The following MAGI2 variants were observed in gnomAD, a reference collection of about 807,000 sequenced individuals.
MAGI2 encodes membrane associated guanylate kinase, WW and PDZ domain containing 2.
In MAGI2, 35 loss-of-function variants were observed where a neutral mutation model predicts 133.3. The ratio of observed to expected loss-of-function variants is 0.26; its 90% CI spans 0.20 to 0.35. The LOEUF is 0.35. MAGI2 is among the 10% of genes least tolerant of loss of function. The probability of loss-of-function intolerance (pLI) is 1.00; values close to 1 mark genes in which losing one functional copy is unlikely to be tolerated. For missense variants in MAGI2, 1,636 were observed against 1,863.4 expected (o/e 0.88, Z 2.25); for synonymous variants, 729 against 710.6 (o/e 1.03, Z -0.41).
At chr7:78,264,242 C>G (rs925559269) in intron 9 of MAGI2, among the ~76,000 whole-genome samples, 1 of 152,088 alleles carries the variant, frequency 6.6e-6, no homozygotes, top group African/African-American at 2.4e-5. Context: ...GAAACTGAAC[C>G]TAGAAGAAGT....
chr7:79,001,513 G>A (rs962866845), intron 2 of MAGI2, among the ~76,000 whole-genome samples: 3 of 152,056 alleles, frequency 2.0e-5, no homozygotes, highest in Non-Finnish European at 2.9e-5. Context: ...AAATTAATTT[G>A]TGTCTCTAAT....
chr7:78,694,336 T>C (rs1347533413), intron 2 of MAGI2, among the ~76,000 whole-genome samples: 1 of 152,224 alleles, frequency 6.6e-6, no homozygotes, highest in African/African-American at 2.4e-5. Flanking sequence ...TAAATAATGC[T>C]AAAGTTTTCA....
At chr7:78,906,253 C>A (rs1797985408) in intron 2 of MAGI2, among the ~76,000 whole-genome samples, 1 of 152,186 alleles carries the variant, frequency 6.6e-6, no homozygotes, top group Non-Finnish European at 1.5e-5. Context: ...TGGTGGGTAG[C>A]TGATTCTGTC....
intron 1 of MAGI2, among the ~76,000 whole-genome samples, chr7:79,114,695 T>A (rs1819241362): frequency 6.6e-6 from 1 of 152,098 alleles, no homozygotes; most frequent in Admixed American, 6.6e-5. Context: ...GGAATCCAGG[T>A]ACTCATGATA....
intron 1 of MAGI2, among the ~76,000 whole-genome samples, chr7:79,206,107 A>G (rs965768431): frequency 6.6e-6 from 1 of 151,690 alleles, no homozygotes; most frequent in African/African-American, 2.4e-5. Flanking sequence ...ACAGCAATAA[A>G]TGCCTACCTC....
At chr7:79,230,435 A>G (rs1372989250) in intron 1 of MAGI2, among the ~76,000 whole-genome samples, 2 of 151,508 alleles carry the variant, frequency 1.3e-5, no homozygotes, top group East Asian at 3.9e-4. Flanking sequence ...CTATTTCTCC[A>G]CATCCTCTCC....
chr7:78,094,512 T>C (rs1452068554), intron 20 of MAGI2, among the ~76,000 whole-genome samples: 1 of 152,186 alleles, frequency 6.6e-6, no homozygotes, highest in Non-Finnish European at 1.5e-5. Context: ...GTGGACCACT[T>C]GTCACCAAAG....
intron 1 of MAGI2, among the ~76,000 whole-genome samples, chr7:79,444,554 C>T (rs902231358): frequency 2.6e-5 from 4 of 152,056 alleles, no homozygotes; most frequent in Non-Finnish European, 5.9e-5. Flanking sequence ...GAGTGAACTC[C>T]CATTCACAAT....
At chr7:78,985,823 A>T (rs1381349491) in intron 2 of MAGI2, among the ~76,000 whole-genome samples, 1 of 152,092 alleles carries the variant, frequency 6.6e-6, no homozygotes, top group African/African-American at 2.4e-5. Context: ...TTAGGAGAGG[A>T]TATGACAGCT....
chr7:78,612,812 G>GGCACCCGCCACC (rs1554498497), intron 3 of MAGI2, among the ~76,000 whole-genome samples: 3 of 152,064 alleles, frequency 2.0e-5, no homozygotes, highest in South Asian at 2.1e-4. Flanking sequence ...TGGGACTACA[G>GGCACCCGCCACC]GCGCCCGCCA....
At chr7:78,510,523 TG>T (rs1379329410) in intron 4 of MAGI2, among the ~76,000 whole-genome samples, 1 of 152,148 alleles carries the variant, frequency 6.6e-6, no homozygotes, top group Non-Finnish European at 1.5e-5. Context: ...ACAAAAGGTA[TG>T]GTCAATTTTC....
In MAGI2 at chr7:78,330,615, CAAAAAAAAAAAA is replaced by C. The variant is rs4024122; in HGVS notation, c.1408+13151_1408+13162del. On this transcript the variant is annotated intron_variant, in intron 9 of 21. Transcript: ENST00000354212. ...CCTGGGCGACAGCGAGACTCCGTCTCAAAAAAAAAAAAAAAAAAAAAAAAAAAAAGAAAGATT... is the reference window on the plus strand; with the variant it reads ...CCTGGGCGACAGCGAGACTCCGTCTCAAAAAAAAAAAAAAAAAGAAAGATT... 4.3e-4 allele frequency among the ~76,000 whole-genome samples: 3 copies of C among 6,940 alleles called. 1 individual carries two copies. The highest frequency in any genetic ancestry group is 7.2e-4 in the African/African-American group (1 of 1,394). The allele number at this position is 6,940 out of a possible 152,430, so 4.6% of individuals were successfully genotyped here. A position where few individuals can be genotyped will look rare whatever the true frequency, so the allele number is the denominator to read the frequency against.
chr7:78,382,653 A>G (rs558014341), intron 6 of MAGI2, among the ~76,000 whole-genome samples: 172 of 152,226 alleles, frequency 1.1e-3, no homozygotes, highest in African/African-American at 4.0e-3. Context: ...ACCCTAGTAC[A>G]ATACAATTTT....
intron 2 of MAGI2, among the ~76,000 whole-genome samples, chr7:78,658,939 A>G (rs980565287): frequency 7.2e-5 from 11 of 152,204 alleles, no homozygotes; most frequent in Non-Finnish European, 1.5e-4. Context: ...TACAACTACC[A>G]CAAAAGCCAG....
intron 9 of MAGI2, among the ~76,000 whole-genome samples, chr7:78,330,873 T>C (rs967947720): frequency 5.9e-5 from 9 of 152,160 alleles, no homozygotes; most frequent in Non-Finnish European, 1.0e-4. Context: ...GATTGTTTCC[T>C]GATGAACCAA....
chr7:79,194,947 T>C (rs985001928), intron 1 of MAGI2, among the ~76,000 whole-genome samples: 1 of 152,024 alleles, frequency 6.6e-6, no homozygotes, highest in Non-Finnish European at 1.5e-5. Flanking sequence ...GAAGTTATTA[T>C]AACATTTTAA....
At chr7:78,679,829 C>G (rs1023685828) in intron 2 of MAGI2, among the ~76,000 whole-genome samples, 1 of 151,948 alleles carries the variant, frequency 6.6e-6, no homozygotes, top group Admixed American at 6.6e-5. Flanking sequence ...GAAATTGTGC[C>G]CTAGATTAGG....
At chr7:79,051,876 T>C (rs1812705937) in intron 1 of MAGI2, among the ~76,000 whole-genome samples, 1 of 152,148 alleles carries the variant, frequency 6.6e-6, no homozygotes, top group South Asian at 2.1e-4. Context: ...TGTAGTTTTC[T>C]CTTTCTATTT....
At chr7:78,744,732 C>T (rs1822763068) in intron 2 of MAGI2, among the ~76,000 whole-genome samples, 1 of 152,142 alleles carries the variant, frequency 6.6e-6, no homozygotes, top group African/African-American at 2.4e-5. Context: ...GAGGACAATA[C>T]TCCTGCCTTC....
Sources: allele counts gnomAD v4.1 joint callset (sites outside exome capture counted in the v4.1 genomes callset), GRCh38; gene constraint gnomAD v4.1.1; transcripts MANE v1.5; gene names NCBI Gene and HGNC (gene_info 2026-07-23, HGNC 2026-07-21).